Variants in CSMD1 observed in about 807,000 individuals in gnomAD.
The protein encoded by CSMD1 is CUB and Sushi multiple domains 1, also known as CUB and sushi domain-containing protein 1.
A neutral mutation model predicts 417.5 loss-of-function variants in CSMD1; 213 were observed. The ratio of observed to expected loss-of-function variants is 0.51; its 90% confidence interval spans 0.46 to 0.57. The LOEUF is 0.57. Ranked by LOEUF, CSMD1 falls within the 20% of genes least tolerant of loss-of-function variation. The pLI is 0.00. For missense variants in CSMD1, 6,923 were observed against 4,529.7 expected (o/e 1.53, Z -15.17); for synonymous variants, 2,862 against 1,736.8 (o/e 1.65, Z -16.11).
intron 17 of CSMD1, among the ~76,000 whole-genome samples, chr8:3,392,119 G>C (rs1361024234): frequency 8.3e-6 from 1 of 121,140 alleles, no homozygotes; most frequent in Non-Finnish European, 1.7e-5. Context: ...GGTGGGGGGA[G>C]GGGGGAGGGA....
intron 10 of CSMD1, among the ~76,000 whole-genome samples, chr8:3,556,551 C>CA (rs1374941588): frequency 0.013 from 1,930 of 147,692 alleles, 51 homozygotes; most frequent in African/African-American, 0.046. Context: ...CACACACACA[C>CA]CCTCTCTCTC....
chr8:2,972,913 G>A (rs1804585905), intron 57 of CSMD1, among the ~76,000 whole-genome samples: 1 of 152,192 alleles, frequency 6.6e-6, no homozygotes, highest in African/African-American at 2.4e-5. Flanking sequence ...AAGCATCCGT[G>A]TGATGGGACC....
chr8:4,533,026 T>A (rs576042290), intron 2 of CSMD1, among the ~76,000 whole-genome samples: 1 of 152,172 alleles, frequency 6.6e-6, no homozygotes, highest in East Asian at 1.9e-4. Context: ...CACTCCGGAG[T>A]TTCTCCTCCC....
At chr8:4,245,977 A>G (rs546106897) in intron 3 of CSMD1, among the ~76,000 whole-genome samples, 1 of 152,338 alleles carries the variant, frequency 6.6e-6, no homozygotes, top group East Asian at 1.9e-4. Flanking sequence ...GGCCGTGGAC[A>G]GGGATGGTCT....
chr8:4,047,070 T>C (rs534774617), intron 3 of CSMD1, among the ~76,000 whole-genome samples: 40 of 152,294 alleles, frequency 2.6e-4, no homozygotes, highest in African/African-American at 9.4e-4. Flanking sequence ...GAATTAAATG[T>C]GGTCTTTAAA....
chr8:3,666,235 G>T (rs1249421732), intron 7 of CSMD1, among the ~76,000 whole-genome samples: 1 of 151,862 alleles, frequency 6.6e-6, no homozygotes, highest in Non-Finnish European at 1.5e-5. Context: ...CACCACACTG[G>T]TGAGACTTTC....
At chr8:4,295,503 A>G (rs1361151225) in intron 3 of CSMD1, among the ~76,000 whole-genome samples, 1 of 143,578 alleles carries the variant, frequency 7.0e-6, no homozygotes, top group Non-Finnish European at 1.5e-5. Context: ...AATATATCTT[A>G]TACACATATA....
At chr8:3,398,686 T>C (rs1811848658) in intron 16 of CSMD1, among the ~76,000 whole-genome samples, 1 of 152,182 alleles carries the variant, frequency 6.6e-6, no homozygotes. Flanking sequence ...GATGCCTCCC[T>C]AGCCTTTGGT....
At chr8:4,702,836 A>G (rs577190919) in intron 1 of CSMD1, among the ~76,000 whole-genome samples, 8 of 152,200 alleles carry the variant, frequency 5.3e-5, no homozygotes, top group African/African-American at 1.9e-4. Flanking sequence ...TCTTTGTCTT[A>G]GTTCTTTAAT....
At chr8:3,584,576 C>G (rs966606731) in intron 9 of CSMD1, among the ~76,000 whole-genome samples, 1 of 152,168 alleles carries the variant, frequency 6.6e-6, no homozygotes, top group East Asian at 1.9e-4. Context: ...TGAGAAAGGG[C>G]TTTGAGTTTA....
chr8:3,949,796 A>G (rs1165999827), intron 5 of CSMD1, among the ~76,000 whole-genome samples: 2 of 152,140 alleles, frequency 1.3e-5, no homozygotes, highest in African/African-American at 4.8e-5. Context: ...TGCCTCTAAC[A>G]CATGGAAAGC....
intron 5 of CSMD1, among the ~76,000 whole-genome samples, chr8:3,774,713 A>T (rs182499965): frequency 6.6e-6 from 1 of 152,182 alleles, no homozygotes; most frequent in Admixed American, 6.5e-5. Flanking sequence ...TAACTTCACG[A>T]TTTCTGCTCT....
intron 3 of CSMD1, among the ~76,000 whole-genome samples, chr8:4,120,212 A>G (rs1032542488): frequency 7.2e-5 from 11 of 152,338 alleles, no homozygotes; most frequent in Non-Finnish European, 1.5e-4. Flanking sequence ...TTTAAAATAA[A>G]AAAAATTAAT....
In CSMD1 at chr8:3,198,853, G is replaced by A. The variant is rs182231111; in HGVS notation, c.5194+861C>T. Reference sequence around the variant, plus strand: ...TAAGAAAAAATTTTTCTCCAGATCTGAAGAAAATACTTAACAGTGGCCATT... The same window carrying A: ...TAAGAAAAAATTTTTCTCCAGATCTAAAGAAAATACTTAACAGTGGCCATT... On this transcript the variant is annotated intron_variant, in intron 33 of 69. Coordinates refer to ENST00000635120, the MANE Select transcript of CSMD1 (RefSeq NM_033225.6). Among the ~76,000 whole-genome samples, 73 of 152,286 alleles carry A rather than the reference G, an allele frequency of 4.8e-4. No individual in the cohort carries two copies. The East Asian group carries it at 0.011, about 22-fold the overall frequency.
Position 4,690,872 on chromosome 8 carries a change from G to A in CSMD1, c.86-53314C>T, listed in dbSNP as rs543636270. On this transcript the variant is annotated intron_variant, in intron 1 of 69. Transcript: ENST00000635120. The stretch of plus-strand genomic sequence containing the variant: ...GCCTCCTGAGCAGCTGGGACTATAG[G>A]TGCATGTCACCATGCCCGGCTAATT... 4.6e-5 allele frequency among the ~76,000 whole-genome samples: 7 copies of A among 152,208 alleles called. No homozygotes were observed. In the South Asian group the frequency reaches 1.2e-3, roughly 27 times the overall value.
chr8:4,776,909 C>A (rs1207165007), intron 1 of CSMD1, among the ~76,000 whole-genome samples: 3 of 152,186 alleles, frequency 2.0e-5, no homozygotes, highest in African/African-American at 7.2e-5. Flanking sequence ...CATAACACTT[C>A]CACAACGTTA....
At chr8:4,764,836 G>A (rs1455063936) in intron 1 of CSMD1, among the ~76,000 whole-genome samples, 2 of 125,796 alleles carry the variant, frequency 1.6e-5, no homozygotes, top group African/African-American at 3.1e-5. Flanking sequence ...TCGCGCCACT[G>A]CACTCCAGCC....
chr8:4,120,300 T>G (rs1378123673), intron 3 of CSMD1, among the ~76,000 whole-genome samples: 1 of 152,196 alleles, frequency 6.6e-6, no homozygotes, highest in Non-Finnish European at 1.5e-5. Context: ...TATATATACT[T>G]CAGTGTTATT....
rs1340786807 is a variant in CSMD1, at chr8:4,925,218, T to G, written c.85+69114A>C. Among the ~76,000 whole-genome samples the G allele has an allele frequency of 3.9e-5, 5 of 129,852 alleles. No homozygotes were observed. The East Asian group carries it at 1.1e-3, about 30-fold the overall frequency. 85.2% of individuals were successfully genotyped at this position (129,852 alleles called of 152,430 possible). On this transcript the variant is annotated intron_variant, in intron 1 of 69. Transcript: ENST00000635120. ...CATGGTGAATACCAGTTTTATGGTTTTTTTTTTTTTTTTTTTTTTTTTGCA... is the reference window on the plus strand; with the variant it reads ...CATGGTGAATACCAGTTTTATGGTTGTTTTTTTTTTTTTTTTTTTTTTGCA...
Sources: gnomAD v4.1 joint callset for allele counts (sites outside exome capture counted in the v4.1 genomes callset) on GRCh38, gnomAD v4.1.1 for gene constraint, MANE v1.5 for transcripts, NCBI Gene and HGNC (gene_info 2026-07-23, HGNC 2026-07-21) for gene names.